The following RASAL2 variants were observed in gnomAD, a reference collection of about 807,000 sequenced individuals.
RASAL2 encodes the protein RAS protein activator like 2, also known as ras GTPase-activating protein nGAP.
A neutral mutation model predicts 128.9 loss-of-function variants in RASAL2; 58 were observed. That is an observed-to-expected ratio of 0.45 (90% CI 0.36 to 0.56). The LOEUF is 0.56. RASAL2 is among the 20% of genes least tolerant of loss of function. RASAL2 has a pLI of 0.00. For missense variants in RASAL2, 1,360 were observed against 1,601.6 expected (o/e 0.85, Z 2.57); for synonymous variants, 561 against 580.8 (o/e 0.97, Z 0.49).
At chr1:178,178,801 A>G (rs1258101021) in intron 1 of RASAL2, among the ~76,000 whole-genome samples, 1 of 152,184 alleles carries the variant, frequency 6.6e-6, no homozygotes, top group African/African-American at 2.4e-5. Flanking sequence ...AATTGAGGAA[A>G]AGTATATGGA....
At chr1:178,353,733 C>T (rs555013665) in intron 3 of RASAL2, among the ~76,000 whole-genome samples, 13 of 152,194 alleles carry the variant, frequency 8.5e-5, no homozygotes, top group Admixed American at 2.0e-4. Context: ...AGTGACTATA[C>T]GTCACCTTGG....
At chr1:178,400,943 G>A (rs1673586728) in intron 4 of RASAL2, among the ~76,000 whole-genome samples, 1 of 152,146 alleles carries the variant, frequency 6.6e-6, no homozygotes, top group African/African-American at 2.4e-5. Context: ...TAGAGACGGA[G>A]TTTTGCCATG....
rs186579016 is a variant in RASAL2 at position 178,476,312 on chromosome 1, T to C, written c.*3073T>C. 1 of 152,348 alleles carries C rather than the reference T, an allele frequency of 6.6e-6. No homozygotes were observed. Among genetic ancestry groups the C allele is most frequent in the East Asian group, 1.9e-4 (1 of 5,178 alleles). 9.4% of individuals were successfully genotyped at this position (152,348 alleles called of 1,614,324 possible). ...GCTTCATATTCCCCTTTTATATTAC[T>C]GAAGCAATAAGCAATCTGAGCTGAA... On this transcript the variant is annotated 3_prime_UTR_variant, in exon 18 of 18. Transcript: ENST00000367649.
chr1:178,466,773 A>G (rs537388440), intron 16 of RASAL2, among the ~76,000 whole-genome samples: 5 of 152,356 alleles, frequency 3.3e-5, no homozygotes, highest in African/African-American at 1.2e-4. Flanking sequence ...CTATGCCTCA[A>G]TATTTGTAAA....
intron 1 of RASAL2, among the ~76,000 whole-genome samples, chr1:178,152,007 G>A (rs1427713517): frequency 6.6e-6 from 1 of 152,186 alleles, no homozygotes; most frequent in African/African-American, 2.4e-5. Flanking sequence ...TTAGGAGAGT[G>A]TTTTGTTAGT....
Position 178,442,784 on chromosome 1 carries a change from T to G in RASAL2, c.1037T>G (p.Phe346Cys). 6.2e-7 allele frequency: 1 copy of G among 1,613,904 alleles called. No individual in the cohort carries two copies. Among genetic ancestry groups the G allele is most frequent in the Non-Finnish European group, 8.5e-7 (1 of 1,179,936 alleles). ...GAACTGTGCCTTGATGATACCCTCTTTGCTCGTACAACCAGCAAGACCAAA... is the reference window on the plus strand; with the variant it reads ...GAACTGTGCCTTGATGATACCCTCTGTGCTCGTACAACCAGCAAGACCAAA... ...FCELCLDDTL[F>C]ARTTSKTKAD... The change falls in exon 8 of 18, where the codon TTT becomes TGT. Residue 346 changes from phenylalanine (F) to cysteine (C), a missense_variant. Physicochemically the swap from Phe to Cys is radical, Grantham distance 205. This residue lies in a region of RASAL2 where 617 missense variants were observed against 714.2 expected (regional missense o/e 0.86). Coordinates refer to ENST00000367649, the MANE Select transcript of RASAL2 (RefSeq NM_170692.4).
At chr1:178,389,800 T>C (rs1172696862) in intron 3 of RASAL2, among the ~76,000 whole-genome samples, 1 of 152,252 alleles carries the variant, frequency 6.6e-6, no homozygotes, top group Non-Finnish European at 1.5e-5. Context: ...TTATATACTG[T>C]GAGATGCAAC....
intron 5 of RASAL2, among the ~76,000 whole-genome samples, chr1:178,424,347 A>G (rs1289025225): frequency 2.0e-5 from 3 of 151,984 alleles, no homozygotes; most frequent in African/African-American, 7.3e-5. Flanking sequence ...GGTTCAAGCA[A>G]TTCTCCTGCC....
At chr1:178,417,935 C>T (rs1674876953) in intron 4 of RASAL2, among the ~76,000 whole-genome samples, 1 of 152,012 alleles carries the variant, frequency 6.6e-6, no homozygotes, top group Non-Finnish European at 1.5e-5. Flanking sequence ...GCCTAGCAAT[C>T]CTATTACAAT....
At chr1:178,313,685 G>A (rs769625667) in intron 3 of RASAL2, among the ~76,000 whole-genome samples, 2 of 152,074 alleles carry the variant, frequency 1.3e-5, no homozygotes, top group Non-Finnish European at 2.9e-5. Context: ...TTAGCTTTTA[G>A]GGATTTAAAT....
chr1:178,205,066 A>G (rs941184410), intron 1 of RASAL2, among the ~76,000 whole-genome samples: 3 of 152,156 alleles, frequency 2.0e-5, no homozygotes, highest in African/African-American at 7.2e-5. Context: ...GTACAGTGGC[A>G]TGATCTTGGC....
intron 5 of RASAL2, among the ~76,000 whole-genome samples, chr1:178,429,451 C>A (rs1675742812): frequency 6.6e-6 from 1 of 152,264 alleles, no homozygotes; most frequent in African/African-American, 2.4e-5. Context: ...ATTCTCCATT[C>A]TCTGACCACT....
At chr1:178,295,772 C>T (rs181530187) in intron 2 of RASAL2, among the ~76,000 whole-genome samples, 12 of 152,188 alleles carry the variant, frequency 7.9e-5, no homozygotes, top group Non-Finnish European at 7.4e-5. Flanking sequence ...GTTTTGAGAA[C>T]CAGTGCCTTA....
intron 1 of RASAL2, among the ~76,000 whole-genome samples, chr1:178,175,405 A>G (rs1661847554): frequency 6.6e-6 from 1 of 150,532 alleles, no homozygotes; most frequent in Non-Finnish European, 1.5e-5. Context: ...AACTGTATCC[A>G]TCCAGAAATA....
intron 3 of RASAL2, among the ~76,000 whole-genome samples, chr1:178,366,832 A>G (rs901105372): frequency 1.3e-5 from 2 of 152,102 alleles, no homozygotes; most frequent in Admixed American, 6.6e-5. Context: ...ACCACATATT[A>G]TATGATTTCA....
At chr1:178,132,000 G>A (rs1222316663) in intron 1 of RASAL2, among the ~76,000 whole-genome samples, 2 of 151,828 alleles carry the variant, frequency 1.3e-5, no homozygotes, top group South Asian at 2.1e-4. Context: ...CTTCCTCATT[G>A]TCAGGCATCT....
At chr1:178,369,434 G>C (rs1381206656) in intron 3 of RASAL2, among the ~76,000 whole-genome samples, 2 of 151,688 alleles carry the variant, frequency 1.3e-5, no homozygotes, top group Admixed American at 6.6e-5. Context: ...ATGTTGGCCA[G>C]GCTCGTCTTG....
chr1:178,205,819 A>G (rs1426240474), intron 1 of RASAL2, among the ~76,000 whole-genome samples: 1 of 152,136 alleles, frequency 6.6e-6, no homozygotes, highest in African/African-American at 2.4e-5. Context: ...TTAGATGTAT[A>G]CGTCCTCACC....
Position 178,094,505 on chromosome 1 carries a change from C to A in RASAL2, c.13C>A (p.Pro5Thr). 1 of 1,557,678 alleles carries A rather than the reference C, an allele frequency of 6.4e-7. No individual in the cohort carries two copies. Among genetic ancestry groups the A allele is most frequent in the East Asian group, 2.4e-5 (1 of 41,356 alleles). ...GCCTCGGGGCACCATGGAGCTCTCT[C>A]CGTCGTCCGGAGGAGCCGCGGAGGC... MELSPSSGGAAEALS... is the reference protein window; with the variant it reads MELSTSSGGAAEALS... Residue 5 changes from proline to threonine, a missense_variant, in exon 1 of 18, where the codon CCG becomes ACG. Pro to Thr is a conservative substitution (Grantham distance 38, BLOSUM62 -1). Coordinates refer to ENST00000367649, the MANE Select transcript of RASAL2 (RefSeq NM_170692.4).
Sources: allele counts gnomAD v4.1 joint callset (sites outside exome capture counted in the v4.1 genomes callset), GRCh38; gene constraint gnomAD v4.1.1; regional missense constraint gnomAD v4.1.1; transcripts MANE v1.5; gene names NCBI Gene and HGNC (gene_info 2026-07-23, HGNC 2026-07-21).